The following CCDC60 variants were observed in gnomAD, a reference collection of about 807,000 sequenced individuals.
CCDC60 encodes coiled-coil domain-containing protein 60.
A neutral mutation model predicts 63.5 loss-of-function variants in CCDC60; 54 were observed. The ratio of observed to expected loss-of-function variants is 0.85; its 90% CI spans 0.68 to 1.07. CCDC60 has a LOEUF of 1.07. Ranked by LOEUF, CCDC60 falls within the 50% of genes least tolerant of loss-of-function variation. The probability of loss-of-function intolerance (pLI) is 0.00; values close to 1 mark genes in which losing one functional copy is unlikely to be tolerated. For synonymous variants in CCDC60, 206 were observed against 238.8 expected, an observed-to-expected ratio of 0.86 and a Z score of 1.27; for missense variants, 651 against 684.3, an observed-to-expected ratio of 0.95 and a Z score of 0.54.
In CCDC60 at chr12:119,404,247, G is replaced by A. The variant is rs569034832; in HGVS notation, c.91-24436G>A. On this transcript the variant is annotated intron_variant, in intron 1 of 13. Coordinates refer to ENST00000327554, the MANE Select transcript of CCDC60 (RefSeq NM_178499.5). The stretch of plus-strand genomic sequence containing the variant: ...TGAGATTGCAGTGAGCCAAGATCAC[G>A]CCACTGCACTCCAGCCTGGTTGACA... Among the ~76,000 whole-genome samples the A allele has an allele frequency of 3.3e-5, 5 of 152,252 alleles. No individual in the cohort carries two copies. The East Asian group carries it at 5.8e-4, about 18-fold the overall frequency.
intron 7 of CCDC60, among the ~76,000 whole-genome samples, chr12:119,508,525 T>C (rs1245053847): frequency 1.3e-5 from 2 of 149,830 alleles, no homozygotes; most frequent in Non-Finnish European, 1.5e-5. Flanking sequence ...TTGCATATAG[T>C]ATGAGCTGGG....
intron 1 of CCDC60, among the ~76,000 whole-genome samples, chr12:119,389,791 C>T (rs1257666048): frequency 1.3e-5 from 2 of 150,534 alleles, no homozygotes; most frequent in Non-Finnish European, 2.9e-5. Flanking sequence ...CAGGCATGCA[C>T]ACACACACAC....
chr12:119,414,473 G>A (rs919404207), intron 1 of CCDC60, among the ~76,000 whole-genome samples: 24 of 152,190 alleles, frequency 1.6e-4, no homozygotes, highest in African/African-American at 5.8e-4. Flanking sequence ...TTCAAAGGAT[G>A]GGAAGACTGA....
At chr12:119,403,889 G>A (rs1377629132) in intron 1 of CCDC60, among the ~76,000 whole-genome samples, 1 of 152,144 alleles carries the variant, frequency 6.6e-6, no homozygotes, top group Non-Finnish European at 1.5e-5. Flanking sequence ...ACAACGTGAT[G>A]TTTTGATGTA....
chr12:119,535,014 C>T (rs1217152900), intron 13 of CCDC60, among the ~76,000 whole-genome samples: 1 of 152,156 alleles, frequency 6.6e-6, no homozygotes, highest in African/African-American at 2.4e-5. Flanking sequence ...CTTTGTACCT[C>T]TGGTAGAATT....
At chr12:119,498,383 A>C (rs1951762543) in intron 5 of CCDC60, among the ~76,000 whole-genome samples, 1 of 151,524 alleles carries the variant, frequency 6.6e-6, no homozygotes, top group African/African-American at 2.4e-5. Context: ...CCCAGGCTGG[A>C]GTGCAATGGT....
chr12:119,510,552 A>C lies in CCDC60; in HGVS notation c.883+5249A>C, dbSNP rs373574223. On this transcript the variant is annotated intron_variant, in intron 7 of 13. Coordinates refer to ENST00000327554, the MANE Select transcript of CCDC60 (RefSeq NM_178499.5). Reference sequence around the variant, plus strand: ...ACTTAAAATGCATCTCACTGTATCCAGTAGGCCCTTCTCATGGCTCAGTAC... The same window carrying C: ...ACTTAAAATGCATCTCACTGTATCCCGTAGGCCCTTCTCATGGCTCAGTAC... 3.4e-4 allele frequency among the ~76,000 whole-genome samples: 52 copies of C among 152,282 alleles called. 1 individual carries two copies. The highest frequency in any genetic ancestry group is 1.2e-3 in the African/African-American group (50 of 41,552).
At chr12:119,532,344 C>G (rs555958529) in intron 13 of CCDC60, among the ~76,000 whole-genome samples, 1 of 151,564 alleles carries the variant, frequency 6.6e-6, no homozygotes, top group African/African-American at 2.4e-5. Context: ...GAGTTCACAG[C>G]CCTGACTAAT....
intron 9 of CCDC60, among the ~76,000 whole-genome samples, chr12:119,521,873 C>T (rs543569276): frequency 5.8e-4 from 88 of 152,278 alleles, no homozygotes; most frequent in African/African-American, 2.1e-3. Flanking sequence ...AATCCAAAAT[C>T]AAGGCTATCT....
At chr12:119,535,037 C>T (rs1293455827) in intron 13 of CCDC60, among the ~76,000 whole-genome samples, 4 of 152,242 alleles carry the variant, frequency 2.6e-5, no homozygotes, top group East Asian at 1.9e-4. Flanking sequence ...GCTGTGAATC[C>T]GTATGGTCCT....
rs144974921 is a variant in CCDC60, at chr12:119,379,290, C to A, written c.90+44024C>A. 1.7e-3 allele frequency among the ~76,000 whole-genome samples: 254 copies of A among 152,334 alleles called. 4 individuals are homozygous for A. Among genetic ancestry groups the A allele is most frequent in the Admixed American group, 0.013 (201 of 15,312 alleles). ...GCTTAAGTGATGATATATAGAACATCATTTTCCAGGTGGAGGACACTCAAA... is the reference window on the plus strand; with the variant it reads ...GCTTAAGTGATGATATATAGAACATAATTTTCCAGGTGGAGGACACTCAAA... On this transcript the variant is annotated intron_variant, in intron 1 of 13. Transcript: ENST00000327554.
intron 2 of CCDC60, among the ~76,000 whole-genome samples, chr12:119,451,281 C>A (rs948627525): frequency 1.3e-5 from 2 of 152,248 alleles, no homozygotes; most frequent in East Asian, 3.9e-4. Flanking sequence ...GTTTTGAATT[C>A]CAAAGCCCCA....
intron 1 of CCDC60, among the ~76,000 whole-genome samples, chr12:119,402,842 A>C (rs1186546854): frequency 6.6e-6 from 1 of 152,182 alleles, no homozygotes; most frequent in Non-Finnish European, 1.5e-5. Context: ...GGTTGTCTTG[A>C]CAAAAATATT....
Sources: gnomAD v4.1 joint callset for allele counts (sites outside exome capture counted in the v4.1 genomes callset) on GRCh38, gnomAD v4.1.1 for gene constraint, MANE v1.5 for transcripts, NCBI Gene and HGNC (gene_info 2026-07-23, HGNC 2026-07-21) for gene names.